Variants in ROBO2 observed in about 807,000 individuals in gnomAD.
The protein encoded by ROBO2 is roundabout homolog 2.
A neutral mutation model predicts 160.8 loss-of-function variants in ROBO2; 53 were observed. The ratio of observed to expected loss-of-function variants is 0.33; its 90% CI spans 0.26 to 0.41. ROBO2 has a LOEUF of 0.41. ROBO2 is among the 10% of genes least tolerant of loss of function. ROBO2 has a pLI of 1.00. For missense variants in ROBO2, 1,577 were observed against 1,722.4 expected (o/e 0.92, Z 1.49); for synonymous variants, 664 against 611.7 (o/e 1.09, Z -1.26).
At chr3:76,047,947 G>C (rs552835548) in intron 2 of ROBO2, among the ~76,000 whole-genome samples, 1 of 152,114 alleles carries the variant, frequency 6.6e-6, no homozygotes, top group Non-Finnish European at 1.5e-5. Context: ...AATGAATATG[G>C]TTATATTATA....
intron 2 of ROBO2, among the ~76,000 whole-genome samples, chr3:76,421,982 A>G (rs7641165): frequency 0.66 from 100,072 of 151,540 alleles, 33,803 homozygotes; most frequent in African/African-American, 0.82. Flanking sequence ...TGACATGCAC[A>G]TATTGAGTAC....
intron 2 of ROBO2, among the ~76,000 whole-genome samples, chr3:76,736,031 C>A (rs967467761): frequency 1.3e-5 from 2 of 151,774 alleles, no homozygotes; most frequent in African/African-American, 4.8e-5. Flanking sequence ...CACCTGTAAT[C>A]CCAGCACTTT....
intron 2 of ROBO2, among the ~76,000 whole-genome samples, chr3:76,324,752 A>G (rs1438643680): frequency 6.6e-6 from 1 of 152,214 alleles, no homozygotes; most frequent in East Asian, 1.9e-4. Flanking sequence ...CTGGAAAAAA[A>G]AGCACTTTAC....
chr3:76,486,986 C>G (rs1232006591), intron 2 of ROBO2, among the ~76,000 whole-genome samples: 1 of 152,060 alleles, frequency 6.6e-6, no homozygotes, highest in Non-Finnish European at 1.5e-5. Flanking sequence ...TGTTTGTCTT[C>G]AGAGACAGGG....
chr3:77,627,172 C>G (rs59745840), intron 23 of ROBO2, among the ~76,000 whole-genome samples: 1 of 152,104 alleles, frequency 6.6e-6, no homozygotes, highest in South Asian at 2.1e-4. Context: ...GGATATTACA[C>G]GTGTAATTTT....
At chr3:76,455,055 T>C (rs1034647189) in intron 2 of ROBO2, among the ~76,000 whole-genome samples, 1 of 152,176 alleles carries the variant, frequency 6.6e-6, no homozygotes, top group South Asian at 2.1e-4. Context: ...TTTTCTTTAC[T>C]AAATGACTTA....
intron 2 of ROBO2, among the ~76,000 whole-genome samples, chr3:77,028,623 G>A (rs921523883): frequency 2.6e-5 from 4 of 152,144 alleles, no homozygotes; most frequent in African/African-American, 9.7e-5. Context: ...GGGAGGCTGG[G>A]GCAGGAGAAT....
chr3:77,543,756 T>C (rs2092581871), intron 6 of ROBO2, among the ~76,000 whole-genome samples: 1 of 149,576 alleles, frequency 6.7e-6, no homozygotes. Context: ...TTTAAAAGTT[T>C]GTAAAGAAGG....
intron 2 of ROBO2, among the ~76,000 whole-genome samples, chr3:76,780,208 T>A (rs906700544): frequency 6.7e-6 from 1 of 148,454 alleles, no homozygotes; most frequent in Non-Finnish European, 1.5e-5. Context: ...TGTTTGTTTG[T>A]TTTTTTTTTG....
intron 2 of ROBO2, among the ~76,000 whole-genome samples, chr3:76,217,410 C>T (rs570067709): frequency 6.6e-6 from 1 of 152,160 alleles, no homozygotes; most frequent in African/African-American, 2.4e-5. Context: ...AATTGATAAA[C>T]CTCTAGAAGA....
chr3:76,210,662 A>G (rs1183447828), intron 2 of ROBO2, among the ~76,000 whole-genome samples: 2 of 152,088 alleles, frequency 1.3e-5, no homozygotes, highest in Admixed American at 1.3e-4. Context: ...TACATTTTTC[A>G]TCTCCAAAAA....
intron 2 of ROBO2, among the ~76,000 whole-genome samples, chr3:76,603,235 G>A (rs1012629952): frequency 6.7e-6 from 1 of 150,234 alleles, no homozygotes; most frequent in African/African-American, 2.5e-5. Context: ...AGGAGGCTGA[G>A]GCAGGAGAAT....
At chr3:77,261,315 C>T (rs2058757881) in intron 2 of ROBO2, among the ~76,000 whole-genome samples, 1 of 152,108 alleles carries the variant, frequency 6.6e-6, no homozygotes, top group South Asian at 2.1e-4. Flanking sequence ...CTTAAGAAAA[C>T]AGCCACAATT....
intron 2 of ROBO2, among the ~76,000 whole-genome samples, chr3:76,278,385 T>G (rs2107659628): frequency 6.6e-6 from 1 of 152,084 alleles, no homozygotes; most frequent in African/African-American, 2.4e-5. Flanking sequence ...TACATTTCGG[T>G]CTAGATTGTT....
At chr3:76,097,997 A>T (rs1378998508) in intron 2 of ROBO2, among the ~76,000 whole-genome samples, 1 of 151,320 alleles carries the variant, frequency 6.6e-6, no homozygotes, top group African/African-American at 2.5e-5. Context: ...ACACCCTTGA[A>T]ATTCTCCATT....
intron 1 of ROBO2, among the ~76,000 whole-genome samples, chr3:77,074,465 T>A (rs1330581109): frequency 6.6e-6 from 1 of 152,206 alleles, no homozygotes; most frequent in Non-Finnish European, 1.5e-5. Flanking sequence ...ATCTATTATA[T>A]TTTGAATGAA....
intron 2 of ROBO2, among the ~76,000 whole-genome samples, chr3:77,301,530 A>G (rs553288269): frequency 2.0e-5 from 3 of 152,326 alleles, no homozygotes; most frequent in Admixed American, 2.0e-4. Context: ...TCAATTATCA[A>G]TTCATTCACT....
intron 2 of ROBO2, among the ~76,000 whole-genome samples, chr3:76,037,188 C>G (rs2067136472): frequency 6.6e-6 from 1 of 151,838 alleles, no homozygotes; most frequent in East Asian, 1.9e-4. Flanking sequence ...ATACATATTC[C>G]TATGTTGCCC....
At chr3:77,200,298 TA>T (rs1290394607) in intron 2 of ROBO2, among the ~76,000 whole-genome samples, 1 of 79,810 alleles carries the variant, frequency 1.3e-5, no homozygotes, top group African/African-American at 5.6e-5. Flanking sequence ...TATATATATA[TA>T]TATATATATA....
Sources: gnomAD v4.1 joint callset for allele counts (sites outside exome capture counted in the v4.1 genomes callset) on GRCh38, gnomAD v4.1.1 for gene constraint, MANE v1.5 for transcripts, NCBI Gene and HGNC (gene_info 2026-07-23, HGNC 2026-07-21) for gene names.